The following CLVS1 variants were observed in gnomAD, a reference collection of about 807,000 sequenced individuals.
CLVS1 encodes clavesin-1.
In CLVS1, 10 loss-of-function variants were observed where a neutral mutation model predicts 33.1. The ratio of observed to expected loss-of-function variants is 0.30; its 90% CI spans 0.19 to 0.51. The LOEUF is 0.51. CLVS1 is among the 20% of genes least tolerant of loss of function. CLVS1 has a pLI of 0.97. For synonymous variants in CLVS1, 163 were observed against 166.1 expected, an observed-to-expected ratio of 0.98 and a Z score of 0.14; for missense variants, 343 against 433.4, an observed-to-expected ratio of 0.79 and a Z score of 1.85.
At chr8:61,140,739 T>C (rs1806292841) in intron 2 of CLVS1, among the ~76,000 whole-genome samples, 1 of 152,020 alleles carries the variant, frequency 6.6e-6, no homozygotes. Flanking sequence ...ATTTTTTTTT[T>C]GTATTTTTAG....
intron 3 of CLVS1, chr8:61,377,279 T>C (rs901416143): frequency 1.8e-4 from 28 of 152,498 alleles, no homozygotes; most frequent in African/African-American, 5.8e-4. Context: ...TGACCACTTA[T>C]GAGGATTTTG....
intron 2 of CLVS1, among the ~76,000 whole-genome samples, chr8:61,177,951 A>T (rs1429395194): frequency 6.6e-6 from 1 of 152,116 alleles, no homozygotes; most frequent in African/African-American, 2.4e-5. Context: ...CCAAATAATC[A>T]CTACACCTCT....
chr8:60,965,837 CAG>C, the CLVS1 span: 4 of 152,474 alleles, frequency 2.6e-5, no homozygotes, highest in African/African-American at 7.2e-5. Context: ...ATTTTTGAGA[CAG>C]AGTCTCTTGT....
intron 2 of CLVS1, among the ~76,000 whole-genome samples, chr8:61,251,893 T>A (rs908631479): frequency 1.3e-5 from 2 of 152,080 alleles, no homozygotes; most frequent in South Asian, 4.1e-4. Flanking sequence ...TTTTGAAGGG[T>A]TTTTTTGTGT....
chr8:61,136,444 C>T (rs1025111069), intron 2 of CLVS1, among the ~76,000 whole-genome samples: 3 of 152,130 alleles, frequency 2.0e-5, no homozygotes, highest in Non-Finnish European at 1.5e-5. Context: ...AAATGCCCAT[C>T]AATGATAGAC....
chr8:61,297,739 G>A (rs1421447099), intron 1 of CLVS1, among the ~76,000 whole-genome samples: 2 of 152,124 alleles, frequency 1.3e-5, no homozygotes, highest in Non-Finnish European at 2.9e-5. Flanking sequence ...TTGAAGGTGT[G>A]AGCACAGAAG....
intron 5 of CLVS1, among the ~76,000 whole-genome samples, chr8:61,484,613 C>G (rs1220551104): frequency 6.6e-6 from 1 of 152,158 alleles, no homozygotes; most frequent in African/African-American, 2.4e-5. Flanking sequence ...CATATGGAAC[C>G]AAAAAAGAGA....
intron 2 of CLVS1, among the ~76,000 whole-genome samples, chr8:61,213,918 CA>C (rs1808028885): frequency 6.6e-6 from 1 of 152,130 alleles, no homozygotes; most frequent in African/African-American, 2.4e-5. Flanking sequence ...CTCTTTTTCT[CA>C]GCAAGAAACA....
intron 2 of CLVS1, among the ~76,000 whole-genome samples, chr8:61,188,634 C>A (rs951665041): frequency 2.6e-5 from 4 of 151,806 alleles, no homozygotes; most frequent in Admixed American, 6.6e-5. Flanking sequence ...AAAATTAGAA[C>A]CTTTATAACA....
At chr8:61,024,275 G>A in the CLVS1 span, among the ~76,000 whole-genome samples, 1 of 152,114 alleles carries the variant, frequency 6.6e-6, no homozygotes, top group Admixed American at 6.6e-5. Flanking sequence ...TTTCTTAGTG[G>A]CAGGTTTCCA....
chr8:61,313,173 G>A (rs1307798977), intron 2 of CLVS1, among the ~76,000 whole-genome samples: 1 of 152,092 alleles, frequency 6.6e-6, no homozygotes, highest in Non-Finnish European at 1.5e-5. Context: ...GGGGAAGCTG[G>A]GACCTCAGAG....
intron 3 of CLVS1, among the ~76,000 whole-genome samples, chr8:61,428,939 A>G (rs1442028939): frequency 2.6e-5 from 4 of 152,180 alleles, no homozygotes; most frequent in African/African-American, 9.7e-5. Context: ...AAGTATATAC[A>G]CATGTAAGTA....
chr8:61,257,219 T>A (rs1809101417), intron 2 of CLVS1, among the ~76,000 whole-genome samples: 1 of 152,178 alleles, frequency 6.6e-6, no homozygotes, highest in Non-Finnish European at 1.5e-5. Flanking sequence ...GCTAATTGAG[T>A]AGACAAGACT....
chr8:61,025,009 G>A, the CLVS1 span, among the ~76,000 whole-genome samples: 2 of 151,870 alleles, frequency 1.3e-5, no homozygotes, highest in African/African-American at 2.4e-5. Flanking sequence ...CACCACGCCC[G>A]GCTAATTTTT....
intron 1 of CLVS1, among the ~76,000 whole-genome samples, chr8:61,117,285 GTT>G (rs1286242976): frequency 1.6e-5 from 2 of 124,826 alleles, no homozygotes; most frequent in East Asian, 2.3e-4. Flanking sequence ...AGACAATGGG[GTT>G]TTCTAGATAT....
chr8:61,316,818 C>T (rs1291936491), intron 2 of CLVS1, among the ~76,000 whole-genome samples: 2 of 152,174 alleles, frequency 1.3e-5, no homozygotes, highest in Non-Finnish European at 2.9e-5. Context: ...AGGGCTCCAT[C>T]ACTTTCCCAT....
At chr8:61,291,551 G>A (rs1264430892) in intron 1 of CLVS1, among the ~76,000 whole-genome samples, 1 of 152,150 alleles carries the variant, frequency 6.6e-6, no homozygotes, top group Admixed American at 6.5e-5. Context: ...GGAATAGCAT[G>A]TTGTAGGGGG....
chr8:61,368,610 T>C (rs1333866710), intron 2 of CLVS1, among the ~76,000 whole-genome samples: 3 of 152,220 alleles, frequency 2.0e-5, no homozygotes, highest in African/African-American at 7.2e-5. Flanking sequence ...ACATTTGCAA[T>C]GACTCTAGCT....
the CLVS1 span, among the ~76,000 whole-genome samples, chr8:61,005,699 T>C: frequency 6.6e-6 from 1 of 152,176 alleles, no homozygotes; most frequent in African/African-American, 2.4e-5. Context: ...GCTTTCTTAT[T>C]AACCCGAGCA....
Sources: allele counts gnomAD v4.1 joint callset (sites outside exome capture counted in the v4.1 genomes callset), GRCh38; gene constraint gnomAD v4.1.1; transcripts MANE v1.5; gene names NCBI Gene and HGNC (gene_info 2026-07-23, HGNC 2026-07-21).